The following WDR36 variants were observed in gnomAD, a reference collection of about 807,000 sequenced individuals.
The protein encoded by WDR36 is WD repeat domain 36, also known as WD repeat-containing protein 36.
In WDR36, 63 loss-of-function variants were observed where a neutral mutation model predicts 112.7. That is an observed-to-expected ratio of 0.56 (90% CI 0.46 to 0.69). WDR36 has a LOEUF of 0.69. Among genes scored for constraint, WDR36 ranks in the 30% least tolerant of loss-of-function variants. WDR36 has a pLI of 0.00. For missense variants in WDR36, 1,226 were observed against 1,070.3 expected, an observed-to-expected ratio of 1.15 and a Z score of -2.03; for synonymous variants, 410 against 362.2, an observed-to-expected ratio of 1.13 and a Z score of -1.50.
chr5:111,100,529 G>A lies in WDR36; in HGVS notation c.410-60G>A, dbSNP rs1712329188. 3.4e-6 allele frequency: 4 copies of A among 1,162,522 alleles called. 1 individual carries two copies. In the South Asian group the frequency reaches 6.1e-5, roughly 18 times the overall value. 72.0% of individuals were successfully genotyped at this position (1,162,522 alleles called of 1,614,324 possible). The stretch of plus-strand genomic sequence containing the variant: ...GACTTACTTTAAGTGATAAATATAT[G>A]GTTACATAAAACATTTTAAACTATT... On this transcript the variant is annotated intron_variant, in intron 4 of 22. Coordinates refer to ENST00000513710, the MANE Select transcript of WDR36 (RefSeq NM_139281.3).
intron 2 of WDR36, among the ~76,000 whole-genome samples, chr5:111,095,562 T>G (rs556335452): frequency 6.6e-6 from 1 of 152,212 alleles, no homozygotes; most frequent in Non-Finnish European, 1.5e-5. Flanking sequence ...TCCAAAAATT[T>G]GAAACCCAAA....
In WDR36 at chr5:111,110,837, G is replaced by A. The variant is rs895926697; in HGVS notation, c.1491G>A (p.Leu497=). 3.7e-6 allele frequency: 6 copies of A among 1,611,306 alleles called. No homozygotes were observed. The highest frequency in any genetic ancestry group is 4.2e-6 in the Non-Finnish European group (5 of 1,178,378). The change falls in exon 14 of 23, where the codon TTG becomes TTA. Residue 497 remains leucine (L), a synonymous_variant. Coordinates refer to ENST00000513710, the MANE Select transcript of WDR36 (RefSeq NM_139281.3). ...RGVAVDGLNQ[L]TVTTGSEGLL... ...TCGCAGTGGATGGATTAAACCAGTT[G>A]ACAGTTACAACTGGTAGTGAAGGAT...
intron 16 of WDR36, among the ~76,000 whole-genome samples, chr5:111,116,238 G>A (rs6881147): frequency 5.3e-5 from 8 of 151,596 alleles, no homozygotes; most frequent in African/African-American, 1.7e-4. Context: ...CATGAGCCAC[G>A]GTGCCCAGCC....
At chr5:111,117,708 CAG>C (rs1753484646) in intron 16 of WDR36, among the ~76,000 whole-genome samples, 1 of 152,074 alleles carries the variant, frequency 6.6e-6, no homozygotes, top group South Asian at 2.1e-4. Context: ...CTTCCTCACA[CAG>C]AACACTAAAA....
rs1305523479 is a variant in WDR36, at chr5:111,126,799, G to A, written c.2604G>A (p.Gln868=). 6.8e-6 allele frequency: 11 copies of A among 1,613,524 alleles called. No individual in the cohort carries two copies. The highest frequency in any genetic ancestry group is 9.3e-6 in the Non-Finnish European group (11 of 1,179,798). ...LLEEITNLSS[Q]VEENWTHLQS... is the part of the protein sequence containing the mutation. ...AAGAAATAACAAATTTGTCATCCCA[G>A]GTGGAAGAAAACTGGACCCATTTGC... The change falls in exon 23 of 23, where the codon CAG becomes CAA. Residue 868 remains glutamine (Q), a synonymous_variant. Coordinates refer to ENST00000513710, the MANE Select transcript of WDR36 (RefSeq NM_139281.3).
At chr5:111,123,776 A>G in intron 19 of WDR36, 29 bp from the exon 20 acceptor site, 2 of 1,611,882 alleles carry the variant, frequency 1.2e-6, no homozygotes. Context: ...GATAATTCCT[A>G]TTTTTCTTTC....
chr5:111,124,269 A>G, intron 21 of WDR36, 80 bp downstream of exon 21: 1 of 1,189,216 alleles, frequency 8.4e-7, no homozygotes, highest in South Asian at 1.4e-5. Flanking sequence ...AGGAAATATC[A>G]GCGTTCTCAG....
At chr5:111,120,094 G>A (rs1580403210) in intron 17 of WDR36, among the ~76,000 whole-genome samples, 1 of 151,934 alleles carries the variant, frequency 6.6e-6, no homozygotes, top group Non-Finnish European at 1.5e-5. Context: ...TAGAGAAGGG[G>A]AATCTATGAC....
At chr5:111,108,526 G>T (rs912839094) in intron 12 of WDR36, among the ~76,000 whole-genome samples, 1 of 150,366 alleles carries the variant, frequency 6.7e-6, no homozygotes, top group African/African-American at 2.5e-5. Flanking sequence ...TTTCTAAACC[G>T]TAAAGATTCT....
chr5:111,113,049 T>G, intron 15 of WDR36, 25 bp from the exon 16 acceptor site: 1 of 486,486 alleles, frequency 2.1e-6, no homozygotes, highest in Non-Finnish European at 2.9e-6. Context: ...TATATATATA[T>G]ATATTTTTTT....
At chr5:111,116,788 G>A (rs746533420) in intron 16 of WDR36, among the ~76,000 whole-genome samples, 1 of 152,180 alleles carries the variant, frequency 6.6e-6, no homozygotes, top group Admixed American at 6.5e-5. Flanking sequence ...ACACACCACA[G>A]CTGTGGAAAT....
intron 6 of WDR36, among the ~76,000 whole-genome samples, chr5:111,102,887 T>G (rs906445633): frequency 1.3e-5 from 2 of 151,714 alleles, no homozygotes; most frequent in African/African-American, 4.8e-5. Context: ...AATGAATGCA[T>G]GTCTACAGCG....
At chr5:111,119,147 T>C in intron 17 of WDR36, 27 bp downstream of exon 17, 1 of 1,553,198 alleles carries the variant, frequency 6.4e-7, no homozygotes, top group Non-Finnish European at 8.9e-7. Context: ...AGTTCTGTTT[T>C]GGGATGAAGA....
At chr5:111,098,233 A>C (rs1347950861) in intron 3 of WDR36, among the ~76,000 whole-genome samples, 1 of 152,166 alleles carries the variant, frequency 6.6e-6, no homozygotes, top group Non-Finnish European at 1.5e-5. Context: ...AGAAGGGGCT[A>C]TACTTATGGA....
At chr5:111,106,543 A>G (rs1352770261) in intron 11 of WDR36, among the ~76,000 whole-genome samples, 1 of 151,438 alleles carries the variant, frequency 6.6e-6, no homozygotes, top group Non-Finnish European at 1.5e-5. Flanking sequence ...TGCCACTTTC[A>G]AAGAAGTGAT....
Position 111,092,386 on chromosome 5 carries a change from A to C in WDR36, c.-71A>C. On this transcript the variant is annotated 5_prime_UTR_variant, in exon 1 of 23. Transcript: ENST00000513710. The stretch of plus-strand genomic sequence containing the variant: ...CTCTGGCAGAGGACTGTTCCACTAG[A>C]CACGCTGAAGGGACTGGGTACGTGT... 1.9e-6 allele frequency: 3 copies of C among 1,614,228 alleles called. No homozygotes were observed. Among genetic ancestry groups the C allele is most frequent in the Non-Finnish European group, 2.5e-6 (3 of 1,180,038 alleles).
chr5:111,104,254 A>C lies in WDR36; in HGVS notation c.808A>C (p.Asn270His), dbSNP rs758561869. The C allele has an allele frequency of 6.2e-6, 10 of 1,612,102 alleles. No individual in the cohort carries two copies. The highest frequency in any genetic ancestry group is 4.2e-6 in the Non-Finnish European group (5 of 1,178,612). Residue 270 changes from asparagine to histidine, a missense_variant, in exon 8 of 23, where the codon AAC (asparagine) becomes CAC (histidine). Transcript: ENST00000513710. ...LWDLEDKKLI[N>H]QMRNAHSTAI... ...GGATCTAGAAGACAAAAAATTAATC[A>C]ACCAAATGAGAAATGCACACTCTAC...
At chr5:111,121,300 G>T (rs1375958024) in intron 19 of WDR36, among the ~76,000 whole-genome samples, 159 bp downstream of exon 19, 2 of 152,030 alleles carry the variant, frequency 1.3e-5, no homozygotes, top group Non-Finnish European at 2.9e-5. Context: ...GTTTAATATG[G>T]TATGATTATC....
In WDR36 at chr5:111,113,054, T is replaced by TATATATATATATATA. The variant is rs33919278; in HGVS notation, c.1717-20_1717-19insATATATATATATATA. Reference sequence around the variant, plus strand: ...ATAAATAATATATATATATATATATTTTTTTTTTTTAATTTAAAGGCTTTT... The same window carrying TATATATATATATATA: ...ATAAATAATATATATATATATATATTATATATATATATATATTTTTTTTTTAATTTAAAGGCTTTT... On this transcript the variant is annotated intron_variant, in intron 15 of 22. Coordinates refer to ENST00000513710, the MANE Select transcript of WDR36 (RefSeq NM_139281.3). 1.7e-3 allele frequency: 470 copies of TATATATATATATATA among 277,724 alleles called. 1 individual carries two copies. Among genetic ancestry groups the TATATATATATATATA allele is most frequent in the Non-Finnish European group, 2.1e-3 (387 of 180,016 alleles). 17.2% of individuals were successfully genotyped at this position (277,724 alleles called of 1,614,324 possible). A position where few individuals can be genotyped will look rare whatever the true frequency, so the allele number is the denominator to read the frequency against.
Sources: gnomAD v4.1 joint callset for allele counts (sites outside exome capture counted in the v4.1 genomes callset) on GRCh38, gnomAD v4.1.1 for gene constraint, MANE v1.5 for transcripts, NCBI Gene and HGNC (gene_info 2026-07-23, HGNC 2026-07-21) for gene names.